Variants in NRP1 observed in about 807,000 individuals in gnomAD.
NRP1 encodes neuropilin 1.
A neutral mutation model predicts 106.7 loss-of-function variants in NRP1; 35 were observed. The observed-to-expected ratio is 0.33, with a 90% confidence interval of 0.25 to 0.43. The LOEUF (loss-of-function observed/expected upper bound fraction) is 0.43, where lower values mean the gene tolerates loss of function less well. NRP1 is among the 20% of genes least tolerant of loss of function. The pLI, the probability that NRP1 is intolerant of heterozygous loss-of-function variation, is 1.00. For missense variants in NRP1, 1,024 were observed against 1,170.4 expected, an observed-to-expected ratio of 0.87 and a Z score of 1.83; for synonymous variants, 437 against 417.9, an observed-to-expected ratio of 1.05 and a Z score of -0.56.
At chr10:33,297,928 T>C (rs145505428) in intron 2 of NRP1, among the ~76,000 whole-genome samples, 8 of 150,996 alleles carry the variant, frequency 5.3e-5, no homozygotes, top group African/African-American at 2.0e-4. Flanking sequence ...AAAAAAAAAA[T>C]CCCCTGGAAT....
chr10:33,312,783 T>C (rs528365310), intron 2 of NRP1, among the ~76,000 whole-genome samples: 37 of 152,360 alleles, frequency 2.4e-4, no homozygotes, highest in Non-Finnish European at 5.0e-4. Context: ...ACAAAATCGC[T>C]GTTGTCATTC....
intron 10 of NRP1, chr10:33,205,449 G>A (rs1258596602): frequency 6.6e-6 from 1 of 152,236 alleles, no homozygotes; most frequent in East Asian, 1.9e-4. Flanking sequence ...CAGGGGAATT[G>A]CAATAGAGAA....
intron 8 of NRP1, among the ~76,000 whole-genome samples, chr10:33,221,275 G>A (rs570263762): frequency 1.3e-5 from 2 of 152,328 alleles, no homozygotes; most frequent in East Asian, 3.9e-4. Context: ...GTTACTTATT[G>A]TAAATCTACT....
chr10:33,292,106 T>C (rs932936963), intron 2 of NRP1, among the ~76,000 whole-genome samples: 3 of 152,104 alleles, frequency 2.0e-5, no homozygotes, highest in African/African-American at 7.2e-5. Flanking sequence ...ATGTTGTCCA[T>C]ACTGGTTTTG....
chr10:33,258,463 A>C (rs2133206769), intron 4 of NRP1, among the ~76,000 whole-genome samples: 1 of 152,254 alleles, frequency 6.6e-6, no homozygotes, highest in South Asian at 2.1e-4. Context: ...GTGTGCATAG[A>C]CTGCTTTATC....
intron 10 of NRP1, chr10:33,206,375 GACATGACT>G (rs1467819383): frequency 1.9e-6 from 1 of 516,902 alleles, no homozygotes. Context: ...AGGGGTTTGG[GACATGACT>G]ACAGATATGG....
At chr10:33,223,661 A>C (rs572210176) in intron 7 of NRP1, among the ~76,000 whole-genome samples, 1 of 152,056 alleles carries the variant, frequency 6.6e-6, no homozygotes, top group African/African-American at 2.4e-5. Flanking sequence ...TTTTAGCCTG[A>C]TCTCTCTCTT....
chr10:33,206,405 C>A (rs11812181), intron 10 of NRP1: 142,783 of 492,624 alleles, frequency 0.29, 22,588 homozygotes, highest in East Asian at 0.61. Context: ...AACAACCACA[C>A]GGTGAAGAAT....
chr10:33,295,386 T>A (rs1358415211), intron 2 of NRP1, among the ~76,000 whole-genome samples: 1 of 152,208 alleles, frequency 6.6e-6, no homozygotes, highest in Non-Finnish European at 1.5e-5. Context: ...TAGACATAAA[T>A]AGGCAGTGAA....
At chr10:33,182,833 GCA>G (rs148435065) in intron 15 of NRP1, 85 bp from the exon 16 acceptor site, 137,717 of 688,636 alleles carry the variant, frequency 0.2, 2,280 homozygotes, top group East Asian at 0.44. Context: ...TTAGGTACAT[GCA>G]CACACACACA....
chr10:33,252,106 T>C lies in NRP1; in HGVS notation c.981+1922A>G, dbSNP rs144628423. On this transcript the variant is annotated intron_variant, in intron 6 of 16. Transcript: ENST00000374867. ...GCGGCTGGATATCGTGAGGAACACATTGGGGGAAGAAGGCACAAGTGGCTG... is the reference window on the plus strand; with the variant it reads ...GCGGCTGGATATCGTGAGGAACACACTGGGGGAAGAAGGCACAAGTGGCTG... 3.3e-3 allele frequency among the ~76,000 whole-genome samples: 508 copies of C among 151,882 alleles called. 2 individuals are homozygous for C. Among genetic ancestry groups the C allele is most frequent in the African/African-American group, 0.01 (432 of 41,416 alleles).
intron 2 of NRP1, among the ~76,000 whole-genome samples, chr10:33,313,352 T>C (rs1002364900): frequency 6.6e-6 from 1 of 151,956 alleles, no homozygotes. Context: ...AAGCAAAAAG[T>C]AGGGAGGGTC....
intron 12 of NRP1, among the ~76,000 whole-genome samples, chr10:33,192,858 GAAAGT>G (rs1836509847): frequency 6.6e-6 from 1 of 152,252 alleles, no homozygotes; most frequent in South Asian, 2.1e-4. Flanking sequence ...CTCAAAAGTG[GAAAGT>G]AACTTGGCGA....
chr10:33,294,926 T>C (rs1421807451), intron 2 of NRP1, among the ~76,000 whole-genome samples: 1 of 152,200 alleles, frequency 6.6e-6, no homozygotes, highest in Non-Finnish European at 1.5e-5. Flanking sequence ...CCAGGGTCTC[T>C]GACTTGTCCT....
intron 13 of NRP1, among the ~76,000 whole-genome samples, chr10:33,188,415 G>C (rs1363007867): frequency 6.6e-6 from 1 of 152,078 alleles, no homozygotes; most frequent in Non-Finnish European, 1.5e-5. Flanking sequence ...CAAGCACAGA[G>C]ACCCCCTCCT....
Position 33,185,690 on chromosome 10 carries a change from AG to A in NRP1, c.2368del (p.Gly791ValfsTer61), listed in dbSNP as rs1375241091. 6.2e-7 allele frequency: 1 copy of A among 1,614,164 alleles called. No individual in the cohort carries two copies. Among genetic ancestry groups the A allele is most frequent in the Non-Finnish European group, 8.5e-7 (1 of 1,180,002 alleles). ...IFEGEIGKGN[L>X]GGIAVDDISI... ...AATGTCATCCACAGCAATCCCACCAAGGTTTCCTTTTCCGATTTCGCCCTCG... is the reference window on the plus strand; with the variant it reads ...AATGTCATCCACAGCAATCCCACCAAGTTTCCTTTTCCGATTTCGCCCTCG... On this transcript the variant is annotated frameshift_variant, in exon 15 of 17. Coordinates refer to ENST00000374867, the MANE Select transcript of NRP1 (RefSeq NM_003873.7). LOFTEE classifies it high-confidence loss of function.
At chr10:33,187,055 T>C (rs1031124907) in intron 13 of NRP1, among the ~76,000 whole-genome samples, 2 of 152,014 alleles carry the variant, frequency 1.3e-5, no homozygotes, top group African/African-American at 4.8e-5. Flanking sequence ...TTTTTTTAAG[T>C]AGAGATAGAA....
chr10:33,308,075 C>G (rs186446896), intron 2 of NRP1, among the ~76,000 whole-genome samples: 4 of 152,068 alleles, frequency 2.6e-5, no homozygotes, highest in African/African-American at 9.7e-5. Flanking sequence ...GGAACATGGA[C>G]GCAGCTGGAG....
chr10:33,334,474 C>T lies in NRP1; in HGVS notation c.-92G>A. On this transcript the variant is annotated 5_prime_UTR_variant, in exon 1 of 17. Transcript: ENST00000374867. Reference sequence around the variant, plus strand: ...GGAGAATCTAAGCGATCCGAAGAGCCCCAACTCCGCCTAGAGCTGTACAAT... The same window carrying T: ...GGAGAATCTAAGCGATCCGAAGAGCTCCAACTCCGCCTAGAGCTGTACAAT... The T allele has an allele frequency of 9.0e-7, 1 of 1,110,336 alleles. No homozygotes were observed. Among genetic ancestry groups the T allele is most frequent in the South Asian group, 1.3e-5 (1 of 75,126 alleles). The allele number at this position is 1,110,336 out of a possible 1,614,324, so 68.8% of individuals were successfully genotyped here. A position where few individuals can be genotyped will look rare whatever the true frequency, so the allele number is the denominator to read the frequency against.
Sources: gnomAD v4.1 joint callset for allele counts (sites outside exome capture counted in the v4.1 genomes callset) on GRCh38, gnomAD v4.1.1 for gene constraint, MANE v1.5 for transcripts, NCBI Gene and HGNC (gene_info 2026-07-23, HGNC 2026-07-21) for gene names.